The following SLC38A2 variants were observed in gnomAD, a reference collection of about 807,000 sequenced individuals.
SLC38A2 encodes sodium-coupled neutral amino acid symporter 2.
A neutral mutation model predicts 61.5 loss-of-function variants in SLC38A2; 11 were observed. The ratio of observed to expected loss-of-function variants is 0.18; its 90% CI spans 0.11 to 0.30. SLC38A2 has a LOEUF of 0.30. SLC38A2 is among the 10% of genes least tolerant of loss of function. The pLI is 1.00. For synonymous variants in SLC38A2, 217 were observed against 212.5 expected (o/e 1.02, Z -0.18); for missense variants, 522 against 600.4 (o/e 0.87, Z 1.36).
At chr12:46,367,206 TAA>T in intron 5 of SLC38A2, 38 bp from the exon 6 acceptor site, 2 of 1,595,276 alleles carry the variant, frequency 1.3e-6, no homozygotes, top group Non-Finnish European at 1.7e-6. Flanking sequence ...CCAAGGATTT[TAA>T]AAGAGAAATA....
chr12:46,364,082 T>A, intron 10 of SLC38A2, 79 bp from the exon 11 acceptor site: 1 of 1,235,898 alleles, frequency 8.1e-7, no homozygotes, highest in Non-Finnish European at 1.1e-6. Context: ...ATATTTTATG[T>A]AAACAATCTT....
In SLC38A2 at chr12:46,361,226, G is replaced by A; in HGVS notation, c.1423-17C>T. On this transcript the variant is annotated splice_polypyrimidine_tract_variant and intron_variant, in intron 15 of 15. Coordinates refer to ENST00000256689, the MANE Select transcript of SLC38A2 (RefSeq NM_018976.5). ...GAACAAAGCCTGCAAAGAGCATAGA[G>A]AAAATTGATCAGCAAGTAATAAAAC... 1 of 1,601,600 alleles carries A rather than the reference G, an allele frequency of 6.2e-7. No homozygotes were observed.
chr12:46,363,160 C>CA lies in SLC38A2; in HGVS notation c.1055-16dup. 6.2e-7 allele frequency: 1 copy of CA among 1,602,472 alleles called. No homozygotes were observed. Among genetic ancestry groups the CA allele is most frequent in the Middle Eastern group, 1.7e-4 (1 of 5,978 alleles). ...CTCAACATGTTCTACAGGGAAAGAC[C>CA]AAAAAAACTTTGATTGGCTGTTTTC... is the stretch of plus-strand genomic sequence containing the variant. On this transcript the variant is annotated splice_polypyrimidine_tract_variant and intron_variant, in intron 12 of 15. Transcript: ENST00000256689.
chr12:46,361,400 T>G (rs945510355), intron 15 of SLC38A2, among the ~76,000 whole-genome samples, 191 bp from the exon 16 acceptor site: 10 of 152,210 alleles, frequency 6.6e-5, no homozygotes, highest in African/African-American at 2.2e-4. Flanking sequence ...ATAACTACCT[T>G]TGAGGCCTTC....
rs1179179522 is a variant in SLC38A2, at chr12:46,367,182, A to G, written c.389-14T>C. The G allele has an allele frequency of 3.1e-6, 5 of 1,608,032 alleles. No homozygotes were observed. The highest frequency in any genetic ancestry group is 4.3e-6 in the Non-Finnish European group (5 of 1,175,104). ...ATAATAAAGACCCTACAATTTGAAGACAGAAGCATGAAGCCAAGGATTTTA... is the reference window on the plus strand; with the variant it reads ...ATAATAAAGACCCTACAATTTGAAGGCAGAAGCATGAAGCCAAGGATTTTA... On this transcript the variant is annotated splice_polypyrimidine_tract_variant and intron_variant, in intron 5 of 15. Coordinates refer to ENST00000256689, the MANE Select transcript of SLC38A2 (RefSeq NM_018976.5).
chr12:46,367,975 C>T (rs1026668177), intron 4 of SLC38A2, among the ~76,000 whole-genome samples: 10 of 151,906 alleles, frequency 6.6e-5, no homozygotes, highest in African/African-American at 2.2e-4. Flanking sequence ...ACATCTCTAC[C>T]GAAGGAAAAA....
chr12:46,362,547 G>C lies in SLC38A2; in HGVS notation c.1271C>G (p.Thr424Ser). The change falls in exon 14 of 16, where the codon ACC becomes AGC. Residue 424 changes from threonine (T) to serine (S), a missense_variant. Coordinates refer to ENST00000256689, the MANE Select transcript of SLC38A2 (RefSeq NM_018976.5). Reference protein sequence around the residue: ...SLITVSILAFTNLLVIFVPTI... With the variant: ...SLITVSILAFSNLLVIFVPTI... Reference sequence around the variant, plus strand: ...TGGGACAAAGATGACAAGTAAATTGGTAAATGCCAAGATAGACACTGTAAT... The same window carrying C: ...TGGGACAAAGATGACAAGTAAATTGCTAAATGCCAAGATAGACACTGTAAT... 1 of 1,601,540 alleles carries C rather than the reference G, an allele frequency of 6.2e-7. No individual in the cohort carries two copies. Among genetic ancestry groups the C allele is most frequent in the Middle Eastern group, 1.7e-4 (1 of 6,030 alleles).
intron 13 of SLC38A2, 75 bp from the exon 14 acceptor site, chr12:46,362,713 GA>G: frequency 7.0e-7 from 1 of 1,434,492 alleles, no homozygotes; most frequent in Admixed American, 2.9e-5. Context: ...TTCAATGAAT[GA>G]AAAGAATGCC....
At position 46,359,206 on chromosome 12, in the gene SLC38A2, C is replaced by A. The variant is rs544027982; in HGVS notation, c.*1905G>T. The A allele has an allele frequency of 6.6e-6, 1 of 152,448 alleles. No homozygotes were observed. Among genetic ancestry groups the A allele is most frequent in the Non-Finnish European group, 1.5e-5 (1 of 68,010 alleles). The allele number at this position is 152,448 out of a possible 1,614,324, so 9.4% of individuals were successfully genotyped here. On this transcript the variant is annotated 3_prime_UTR_variant, in exon 16 of 16. Coordinates refer to ENST00000256689, the MANE Select transcript of SLC38A2 (RefSeq NM_018976.5). ...CAAATTTGCCAATTCTTGGTCTCAA[C>A]TAGAGGTGAGGTTCTGCATTCGAAT... is the stretch of plus-strand genomic sequence containing the variant.
chr12:46,371,325 G>C lies in SLC38A2; in HGVS notation c.-32C>G. 1.3e-6 allele frequency: 2 copies of C among 1,564,084 alleles called. No homozygotes were observed. The highest frequency in any genetic ancestry group is 1.8e-6 in the Non-Finnish European group (2 of 1,134,918). On this transcript the variant is annotated 5_prime_UTR_variant, in exon 2 of 16. Coordinates refer to ENST00000256689, the MANE Select transcript of SLC38A2 (RefSeq NM_018976.5). ...CACTGGGAGGAATCGGGTGCAGCTA[G>C]TAGCGCTGGGCTCCTTTTGTCCTTG...
chr12:46,364,962 T>C, intron 8 of SLC38A2, 145 bp downstream of exon 8: 1 of 781,594 alleles, frequency 1.3e-6, no homozygotes, highest in African/African-American at 1.8e-5. Context: ...ATATTTTGGC[T>C]CCTAAATTTT....
Position 46,362,294 on chromosome 12 carries a change from T to C in SLC38A2, c.1412A>G (p.Gln471Arg), listed in dbSNP as rs746716174. The C allele has an allele frequency of 1.9e-6, 3 of 1,607,654 alleles. No individual in the cohort carries two copies. In the East Asian group the frequency reaches 6.7e-5, roughly 36 times the overall value. The change falls in exon 15 of 16, where the codon CAA becomes CGA. Residue 471 changes from glutamine (Q) to arginine (R), a missense_variant. Transcript: ENST00000256689. ...LVKKEPMKSV[Q>R]KIGALFFLLS... ...TAATCTTTCACTCACCCCAATCTTT[T>C]GTACAGATTTCATAGGTTCTTTCTT...
At chr12:46,371,003 G>A in intron 2 of SLC38A2, 146 bp from the exon 3 acceptor site, 1 of 823,760 alleles carries the variant, frequency 1.2e-6, no homozygotes, top group Non-Finnish European at 2.0e-6. Flanking sequence ...ACTAGGAGTT[G>A]ACTTTCACAC....
At chr12:46,365,060 C>A in intron 8 of SLC38A2, 47 bp downstream of exon 8, 1 of 1,480,786 alleles carries the variant, frequency 6.8e-7, no homozygotes, top group African/African-American at 1.4e-5. Flanking sequence ...GCCCAACTAA[C>A]TGGTGAGAGG....
At chr12:46,371,476 C>A (rs1943199550) in intron 1 of SLC38A2, 97 bp from the exon 2 acceptor site, 2 of 570,262 alleles carry the variant, frequency 3.5e-6, no homozygotes, top group Middle Eastern at 4.7e-4. Context: ...TCATCCCAGG[C>A]CAGGCGAGTG....
At chr12:46,372,443 A>C (rs1287756092) in intron 1 of SLC38A2, 66 bp downstream of exon 1, 4 of 356,964 alleles carry the variant, frequency 1.1e-5, no homozygotes, top group Non-Finnish European at 1.0e-5. Flanking sequence ...CCCCTCCCGG[A>C]AGCCCCTCCC....
Position 46,372,713 on chromosome 12 carries a change from G to A in SLC38A2, c.-291C>T, listed in dbSNP as rs1012726573. ...AAGGCGCGAGCGTGCGGTAACGCGT[G>A]GTCGGGCTGCTGCTAGCAGTACTGG... is the stretch of plus-strand genomic sequence containing the variant. On this transcript the variant is annotated 5_prime_UTR_variant, in exon 1 of 16. Coordinates refer to ENST00000256689, the MANE Select transcript of SLC38A2 (RefSeq NM_018976.5). The A allele has an allele frequency of 1.1e-4, 43 of 398,386 alleles. No individual in the cohort carries two copies. The highest frequency in any genetic ancestry group is 2.7e-5 in the Non-Finnish European group (6 of 225,962). 24.7% of individuals were successfully genotyped at this position (398,386 alleles called of 1,614,324 possible). A position where few individuals can be genotyped will look rare whatever the true frequency, so the allele number is the denominator to read the frequency against.
At position 46,359,673 on chromosome 12, in the gene SLC38A2, C is replaced by A. The variant is rs574300411; in HGVS notation, c.*1438G>T. 2 of 152,500 alleles carry A rather than the reference C, an allele frequency of 1.3e-5. No homozygotes were observed. The highest frequency in any genetic ancestry group is 1.5e-5 in the Non-Finnish European group (1 of 68,030). The allele number at this position is 152,500 out of a possible 1,614,324, so 9.4% of individuals were successfully genotyped here. ...TATATTCACCATACACTGTGACGTA[C>A]GATAAATGTGCTCTTAAAGCCAAGT... On this transcript the variant is annotated 3_prime_UTR_variant, in exon 16 of 16. Transcript: ENST00000256689.
At chr12:46,370,465 C>A (rs746491731) in intron 4 of SLC38A2, 47 bp downstream of exon 4, 3 of 1,381,034 alleles carry the variant, frequency 2.2e-6, no homozygotes, top group Non-Finnish European at 3.1e-6. Context: ...TATGTTTTAC[C>A]ATAGTAACTG....
Sources: gnomAD v4.1 joint callset for allele counts (sites outside exome capture counted in the v4.1 genomes callset) on GRCh38, gnomAD v4.1.1 for gene constraint, MANE v1.5 for transcripts, NCBI Gene and HGNC (gene_info 2026-07-23, HGNC 2026-07-21) for gene names.